The following CADPS2 variants were observed in gnomAD, a reference collection of about 807,000 sequenced individuals.
CADPS2 encodes the protein calcium dependent secretion activator 2.
CADPS2 carries 93 observed loss-of-function variants against 172.5 expected under a neutral mutation model. The observed-to-expected ratio is 0.54, with a 90% CI of 0.46 to 0.64. The LOEUF (loss-of-function observed/expected upper bound fraction) is 0.64. Ranked by LOEUF, CADPS2 falls within the 30% of genes least tolerant of loss-of-function variation. The probability of loss-of-function intolerance (pLI) is 0.00; values close to 1 mark genes in which losing one functional copy is unlikely to be tolerated. For synonymous variants in CADPS2, 546 were observed against 555.2 expected, an observed-to-expected ratio of 0.98 and a Z score of 0.23; for missense variants, 1,420 against 1,565.9, an observed-to-expected ratio of 0.91 and a Z score of 1.57.
intron 1 of CADPS2, among the ~76,000 whole-genome samples, chr7:122,760,358 A>C (rs563507813): frequency 1.3e-5 from 2 of 152,144 alleles, no homozygotes; most frequent in Non-Finnish European, 2.9e-5. Context: ...TGTTTAGCAG[A>C]TATATATAAT....
chr7:122,815,283 A>G (rs563162400), intron 1 of CADPS2, among the ~76,000 whole-genome samples: 42 of 152,328 alleles, frequency 2.8e-4, no homozygotes, highest in African/African-American at 9.9e-4. Context: ...ACTCCTAACC[A>G]AAACAAAAAT....
intron 1 of CADPS2, among the ~76,000 whole-genome samples, chr7:122,765,442 A>G (rs2093516963): frequency 6.6e-6 from 1 of 152,182 alleles, no homozygotes; most frequent in Non-Finnish European, 1.5e-5. Context: ...TAATGAGTAC[A>G]TGGATAAATG....
At chr7:122,593,721 A>G (rs1034798416) in intron 6 of CADPS2, among the ~76,000 whole-genome samples, 3 of 151,950 alleles carry the variant, frequency 2.0e-5, no homozygotes, top group African/African-American at 7.2e-5. Flanking sequence ...AATCCAGACA[A>G]TATGAAAAAA....
At chr7:122,433,904 G>C (rs1473987678) in intron 17 of CADPS2, among the ~76,000 whole-genome samples, 1 of 152,046 alleles carries the variant, frequency 6.6e-6, no homozygotes, top group African/African-American at 2.4e-5. Flanking sequence ...TCTACACATG[G>C]CCTCTGCCCC....
At chr7:122,440,331 A>G (rs1238508414) in intron 16 of CADPS2, 5 of 152,200 alleles carry the variant, frequency 3.3e-5, no homozygotes, top group African/African-American at 1.2e-4. Context: ...GGTACCCACG[A>G]TGGGATGTTG....
At chr7:122,385,660 C>T (rs770693922) in intron 24 of CADPS2, among the ~76,000 whole-genome samples, 3 of 151,978 alleles carry the variant, frequency 2.0e-5, no homozygotes, top group African/African-American at 7.2e-5. Context: ...TATTTTAGGA[C>T]GAACTGTTGT....
In CADPS2 at chr7:122,885,989, C is replaced by T; in HGVS notation, c.339+10G>A. Reference sequence around the variant, plus strand: ...AGTGGTGGTAGGAGGCGCCCGGTCCCGCAACTCACCTTCTGCTGCCTCCGG... The same window carrying T: ...AGTGGTGGTAGGAGGCGCCCGGTCCTGCAACTCACCTTCTGCTGCCTCCGG... On this transcript the variant is annotated intron_variant, in intron 1 of 29. Transcript: ENST00000449022. 1 of 1,598,574 alleles carries T rather than the reference C, an allele frequency of 6.3e-7. No individual in the cohort carries two copies. Among genetic ancestry groups the T allele is most frequent in the Non-Finnish European group, 8.5e-7 (1 of 1,173,112 alleles).
intron 28 of CADPS2, among the ~76,000 whole-genome samples, chr7:122,332,443 G>A (rs182601795): frequency 7.2e-6 from 1 of 138,108 alleles, no homozygotes; most frequent in Non-Finnish European, 1.6e-5. Context: ...GATTCATGCT[G>A]CTTTTTTCCA....
chr7:122,730,223 T>C (rs1206134095), intron 2 of CADPS2, among the ~76,000 whole-genome samples: 1 of 151,626 alleles, frequency 6.6e-6, no homozygotes, highest in Non-Finnish European at 1.5e-5. Context: ...GAATGACCAA[T>C]ATAGAAATGT....
chr7:122,759,239 G>A lies in CADPS2; in HGVS notation c.340-22171C>T, dbSNP rs553448289. 2.6e-5 allele frequency among the ~76,000 whole-genome samples: 4 copies of A among 152,198 alleles called. No individual in the cohort carries two copies. In the East Asian group the frequency reaches 7.7e-4, roughly 29 times the overall value. ...CTTTCAGCACCCACCTGAAAGTCAG[G>A]ATCCAGGGATGTAATGAAATTATTA... On this transcript the variant is annotated intron_variant, in intron 1 of 29. Coordinates refer to ENST00000449022, the MANE Select transcript of CADPS2 (RefSeq NM_017954.11).
At chr7:122,659,492 G>C (rs962262301) in intron 3 of CADPS2, among the ~76,000 whole-genome samples, 1 of 152,046 alleles carries the variant, frequency 6.6e-6, no homozygotes, top group African/African-American at 2.4e-5. Flanking sequence ...AGGACTGTGG[G>C]ATAACATGGG....
intron 2 of CADPS2, chr7:122,676,720 A>G: frequency 6.4e-7 from 1 of 1,567,038 alleles, no homozygotes; most frequent in Non-Finnish European, 8.7e-7. Flanking sequence ...CAGGAAGGAC[A>G]TGGGGCCAAC....
intron 2 of CADPS2, among the ~76,000 whole-genome samples, chr7:122,735,061 T>A (rs2092048384): frequency 6.6e-6 from 1 of 152,124 alleles, no homozygotes; most frequent in African/African-American, 2.4e-5. Flanking sequence ...TTCAAAAGCA[T>A]GAATTCTGTA....
chr7:122,368,506 G>A (rs1378975594), intron 25 of CADPS2, among the ~76,000 whole-genome samples: 2 of 152,168 alleles, frequency 1.3e-5, no homozygotes, highest in East Asian at 1.9e-4. Context: ...CTGTGAACAG[G>A]GAGACTGGAC....
chr7:122,783,000 C>T (rs1793126559), intron 1 of CADPS2, among the ~76,000 whole-genome samples: 1 of 151,812 alleles, frequency 6.6e-6, no homozygotes, highest in Non-Finnish European at 1.5e-5. Context: ...AATGACAAAA[C>T]AATAAACAGC....
intron 3 of CADPS2, among the ~76,000 whole-genome samples, chr7:122,633,329 G>A (rs1184189120): frequency 1.3e-5 from 2 of 152,028 alleles, no homozygotes; most frequent in Non-Finnish European, 2.9e-5. Flanking sequence ...CCATGAATAT[G>A]GAATATTTTT....
At chr7:122,861,690 CAAAG>C (rs1375127403) in intron 1 of CADPS2, among the ~76,000 whole-genome samples, 2 of 152,182 alleles carry the variant, frequency 1.3e-5, no homozygotes, top group African/African-American at 4.8e-5. Context: ...TTTCTCACCA[CAAAG>C]AAATAACAAG....
At chr7:122,710,320 G>A (rs1348209602) in intron 2 of CADPS2, among the ~76,000 whole-genome samples, 7 of 151,978 alleles carry the variant, frequency 4.6e-5, no homozygotes, top group Admixed American at 1.3e-4. Context: ...AATCCCTCCC[G>A]TGAAGGAGCA....
chr7:122,715,879 T>C (rs2089525175), intron 2 of CADPS2, among the ~76,000 whole-genome samples: 1 of 152,108 alleles, frequency 6.6e-6, no homozygotes, highest in Admixed American at 6.6e-5. Flanking sequence ...TAGATTTTAC[T>C]AAGAGCTGTA....
Sources: gnomAD v4.1 joint callset for allele counts (sites outside exome capture counted in the v4.1 genomes callset) on GRCh38, gnomAD v4.1.1 for gene constraint, MANE v1.5 for transcripts, NCBI Gene and HGNC (gene_info 2026-07-23, HGNC 2026-07-21) for gene names.